Variants in DCLK2 observed in about 807,000 individuals in gnomAD.
DCLK2 encodes serine/threonine-protein kinase DCLK2.
Under a neutral mutation model 78.4 loss-of-function variants are expected in DCLK2, and 31 were observed. That is an observed-to-expected ratio of 0.40 (90% CI 0.30 to 0.53). DCLK2 has a LOEUF of 0.53. Ranked by LOEUF, DCLK2 falls within the 20% of genes least tolerant of loss-of-function variation. The pLI, the probability that DCLK2 is intolerant of heterozygous loss-of-function variation, is 0.61. For missense variants in DCLK2, 872 were observed against 973.7 expected, an observed-to-expected ratio of 0.90 and a Z score of 1.39; for synonymous variants, 407 against 374.9, an observed-to-expected ratio of 1.09 and a Z score of -0.99.
intron 2 of DCLK2, among the ~76,000 whole-genome samples, chr4:150,147,380 C>G (rs1734558244): frequency 6.6e-6 from 1 of 152,116 alleles, no homozygotes; most frequent in African/African-American, 2.4e-5. Context: ...TTTCAGACCC[C>G]TTTTGTATGG....
chr4:150,220,054 G>C (rs967210886), intron 5 of DCLK2, among the ~76,000 whole-genome samples: 1 of 152,186 alleles, frequency 6.6e-6, no homozygotes, highest in African/African-American at 2.4e-5. Flanking sequence ...AGTGAAGCCG[G>C]AGAAGGACTT....
At chr4:150,186,972 T>C (rs554862562) in intron 2 of DCLK2, among the ~76,000 whole-genome samples, 9 of 151,858 alleles carry the variant, frequency 5.9e-5, no homozygotes, top group Admixed American at 6.6e-5. Flanking sequence ...CAAATAATGA[T>C]TGCATTAGAC....
At chr4:150,241,870 C>G (rs188282019) in intron 12 of DCLK2, among the ~76,000 whole-genome samples, 1 of 152,310 alleles carries the variant, frequency 6.6e-6, no homozygotes, top group Admixed American at 6.5e-5. Flanking sequence ...CCACCCTTAA[C>G]AATAGCATGG....
In DCLK2 at chr4:150,211,312, TAA is replaced by T. The variant is rs1491228005; in HGVS notation, c.1056+7424_1056+7425del. On this transcript the variant is annotated intron_variant, in intron 5 of 15. Transcript: ENST00000296550. ...GGTGGCTTTCCCCAGAACCAAGTGA[TAA>T]GAGAGAGAGAGAGAGAGAGAGTGCC... Among the ~76,000 whole-genome samples, 528 of 149,836 alleles carry T rather than the reference TAA, an allele frequency of 3.5e-3. 4 individuals carry two copies. The highest frequency in any genetic ancestry group is 0.012 in the African/African-American group (495 of 40,202).
At chr4:150,162,026 G>A (rs976846960) in intron 2 of DCLK2, among the ~76,000 whole-genome samples, 10 of 151,996 alleles carry the variant, frequency 6.6e-5, no homozygotes, top group Non-Finnish European at 1.3e-4. Flanking sequence ...CTGTTTATTG[G>A]TTTTGATTTA....
chr4:150,221,841 T>G, intron 7 of DCLK2, 56 bp downstream of exon 7: 1 of 1,142,436 alleles, frequency 8.8e-7, no homozygotes, highest in Non-Finnish European at 1.3e-6. Context: ...TAATGAAAAC[T>G]GTATCATCTA....
chr4:150,094,507 A>G (rs1003139385), intron 1 of DCLK2, among the ~76,000 whole-genome samples: 2 of 152,182 alleles, frequency 1.3e-5, no homozygotes, highest in African/African-American at 2.4e-5. Context: ...TGGTGTCTTC[A>G]TCTCCTGCTA....
intron 1 of DCLK2, among the ~76,000 whole-genome samples, chr4:150,082,851 G>A (rs944312272): frequency 1.3e-5 from 2 of 152,008 alleles, no homozygotes; most frequent in Non-Finnish European, 2.9e-5. Flanking sequence ...CTGAGCGTTT[G>A]GTCTTCTCTC....
chr4:150,207,364 C>G (rs572534503), intron 5 of DCLK2, among the ~76,000 whole-genome samples: 1 of 152,160 alleles, frequency 6.6e-6, no homozygotes, highest in East Asian at 1.9e-4. Flanking sequence ...ACCGTTTTTC[C>G]CTCTTTGTAT....
At chr4:150,113,342 G>C (rs1486479281) in intron 2 of DCLK2, among the ~76,000 whole-genome samples, 1 of 152,130 alleles carries the variant, frequency 6.6e-6, no homozygotes, top group Non-Finnish European at 1.5e-5. Context: ...TTGAATGTTT[G>C]ATAGAATTTG....
chr4:150,129,659 G>T lies in DCLK2; in HGVS notation c.756+26847G>T, dbSNP rs544145317. Among the ~76,000 whole-genome samples, 48 of 152,018 alleles carry T rather than the reference G, an allele frequency of 3.2e-4. 1 individual carries two copies. The South Asian group carries it at 9.7e-3, about 31-fold the overall frequency. Reference sequence around the variant, plus strand: ...CGCTTGAACCCAGGAGACGGAGGTTGCAGTGAGCCAAGATTACGCCACTGC... The same window carrying T: ...CGCTTGAACCCAGGAGACGGAGGTTTCAGTGAGCCAAGATTACGCCACTGC... On this transcript the variant is annotated intron_variant, in intron 2 of 15. Transcript: ENST00000296550.
In DCLK2 at chr4:150,256,886, T is replaced by C. The variant is rs1744606430; in HGVS notation, c.*639T>C. ...AGGGCGGCGGGCTCAGCCATTCGGCTTGGGGCACCAGGCTCCCCAGAGACA... is the reference window on the plus strand; with the variant it reads ...AGGGCGGCGGGCTCAGCCATTCGGCCTGGGGCACCAGGCTCCCCAGAGACA... On this transcript the variant is annotated 3_prime_UTR_variant, in exon 16 of 16. Coordinates refer to ENST00000296550, the MANE Select transcript of DCLK2 (RefSeq NM_001040260.4). 1 of 152,336 alleles carries C rather than the reference T, an allele frequency of 6.6e-6. No homozygotes were observed. The highest frequency in any genetic ancestry group is 2.4e-5 in the African/African-American group (1 of 41,458). 9.4% of individuals were successfully genotyped at this position (152,336 alleles called of 1,614,324 possible).
At chr4:150,106,562 C>T (rs919071489) in intron 2 of DCLK2, among the ~76,000 whole-genome samples, 2 of 152,182 alleles carry the variant, frequency 1.3e-5, no homozygotes, top group African/African-American at 4.8e-5. Context: ...TTGCTTCCTA[C>T]CCAGATTGGT....
At chr4:150,151,619 T>C (rs992115740) in intron 2 of DCLK2, among the ~76,000 whole-genome samples, 2 of 152,198 alleles carry the variant, frequency 1.3e-5, no homozygotes, top group African/African-American at 2.4e-5. Context: ...TAGTAATTAT[T>C]GATTAGAATT....
Position 150,256,598 on chromosome 4 carries a change from A to G in DCLK2, c.*351A>G. The G allele has an allele frequency of 4.2e-6, 1 of 237,788 alleles. No homozygotes were observed. Among genetic ancestry groups the G allele is most frequent in the Non-Finnish European group, 8.1e-6 (1 of 124,084 alleles). The allele number at this position is 237,788 out of a possible 1,614,324, so 14.7% of individuals were successfully genotyped here. On this transcript the variant is annotated 3_prime_UTR_variant, in exon 16 of 16. Transcript: ENST00000296550. ...CAGCATTCGATGCATTTTTATAGAA[A>G]CACTTTGGAAACACTTTGGATGAAC...
chr4:150,159,800 G>A (rs932289030), intron 2 of DCLK2, among the ~76,000 whole-genome samples: 16 of 152,212 alleles, frequency 1.1e-4, no homozygotes, highest in Non-Finnish European at 2.9e-5. Flanking sequence ...AGTTGGGACA[G>A]TGAGAGGGGA....
At chr4:150,227,045 T>C (rs952264433) in intron 8 of DCLK2, among the ~76,000 whole-genome samples, 2 of 152,168 alleles carry the variant, frequency 1.3e-5, no homozygotes, top group African/African-American at 4.8e-5. Flanking sequence ...TTTAATGACT[T>C]GCAAAACAGA....
rs772559740 is a variant in DCLK2 at position 150,102,638 on chromosome 4, C to G, written c.582C>G (p.Ile194Met). 18 of 1,614,054 alleles carry G rather than the reference C, an allele frequency of 1.1e-5. No individual in the cohort carries two copies. Among genetic ancestry groups the G allele is most frequent in the Non-Finnish European group, 1.5e-5 (18 of 1,180,022 alleles). The change falls in exon 2 of 16, where the codon ATC (isoleucine) becomes ATG (methionine). Residue 194 changes from isoleucine (I) to methionine (M), a missense_variant. Physicochemically the swap from Ile to Met is conservative, Grantham distance 10 (BLOSUM62 1). Transcript: ENST00000296550. ...AAGTAAAAGAAAGTAAAGATTTCATCAAACCCAAGTTAGTGACTGTGATTC... is the reference window on the plus strand; with the variant it reads ...AAGTAAAAGAAAGTAAAGATTTCATGAAACCCAAGTTAGTGACTGTGATTC... ...KSEVKESKDF[I>M]KPKLVTVIRS... is the part of the protein sequence containing the mutation.
At chr4:150,219,735 A>G (rs1464269360) in intron 5 of DCLK2, among the ~76,000 whole-genome samples, 1 of 152,232 alleles carries the variant, frequency 6.6e-6, no homozygotes, top group Non-Finnish European at 1.5e-5. Flanking sequence ...CTCCATTTTT[A>G]GGGGAGAAAA....
Sources: allele counts gnomAD v4.1 joint callset (sites outside exome capture counted in the v4.1 genomes callset), GRCh38; gene constraint gnomAD v4.1.1; transcripts MANE v1.5; gene names NCBI Gene and HGNC (gene_info 2026-07-23, HGNC 2026-07-21).